The following DNM3 variants were observed in gnomAD, a reference collection of about 807,000 sequenced individuals.
DNM3 encodes dynamin 3.
In DNM3, 47 loss-of-function variants were observed where a neutral mutation model predicts 101.6. The observed-to-expected ratio is 0.46, with a 90% CI of 0.37 to 0.59. The LOEUF is 0.59. Ranked by LOEUF, DNM3 falls within the 20% of genes least tolerant of loss-of-function variation. The probability of loss-of-function intolerance (pLI) is 0.00; values close to 1 mark genes in which losing one functional copy is unlikely to be tolerated. For missense variants in DNM3, 849 were observed against 1,085.7 expected (o/e 0.78, Z 3.06); for synonymous variants, 385 against 387.9 (o/e 0.99, Z 0.09).
At chr1:171,866,111 C>G (rs952855170) in intron 1 of DNM3, among the ~76,000 whole-genome samples, 1 of 151,926 alleles carries the variant, frequency 6.6e-6, no homozygotes, top group African/African-American at 2.4e-5. Flanking sequence ...TGCTGTTGTC[C>G]CAGCTCAGAG....
chr1:172,122,754 C>G (rs2056397460), intron 13 of DNM3, among the ~76,000 whole-genome samples: 1 of 152,088 alleles, frequency 6.6e-6, no homozygotes, highest in Non-Finnish European at 1.5e-5. Flanking sequence ...TTATTTTATT[C>G]AACTGCTGAA....
At chr1:172,072,541 C>A (rs779443302) in intron 11 of DNM3, among the ~76,000 whole-genome samples, 1 of 152,108 alleles carries the variant, frequency 6.6e-6, no homozygotes, top group Non-Finnish European at 1.5e-5. Context: ...GAACAAGTGG[C>A]CACGTACTAA....
intron 14 of DNM3, among the ~76,000 whole-genome samples, chr1:172,204,062 T>C (rs572788452): frequency 2.6e-5 from 4 of 152,286 alleles, no homozygotes; most frequent in Non-Finnish European, 4.4e-5. Context: ...AAAAAGATTT[T>C]CTTAGCAGTA....
chr1:172,114,111 T>C (rs1322281065), intron 13 of DNM3, among the ~76,000 whole-genome samples: 1 of 152,058 alleles, frequency 6.6e-6, no homozygotes, highest in African/African-American at 2.4e-5. Context: ...ATTTTCAGTG[T>C]AGAGAATTAA....
At chr1:172,033,894 C>T (rs2048785199) in intron 6 of DNM3, among the ~76,000 whole-genome samples, 1 of 152,080 alleles carries the variant, frequency 6.6e-6, no homozygotes, top group African/African-American at 2.4e-5. Flanking sequence ...TATTCCTTCC[C>T]CTATTGGAGT....
chr1:172,226,244 G>A (rs1241427780), intron 14 of DNM3, among the ~76,000 whole-genome samples: 1 of 152,076 alleles, frequency 6.6e-6, no homozygotes, highest in Non-Finnish European at 1.5e-5. Context: ...ACACAGACAA[G>A]TATCAAAGTC....
chr1:171,911,199 C>G (rs2039265243), intron 1 of DNM3, among the ~76,000 whole-genome samples: 1 of 151,400 alleles, frequency 6.6e-6, no homozygotes, highest in Non-Finnish European at 1.5e-5. Flanking sequence ...TGGTAGTGCT[C>G]CATTCTGTTT....
intron 2 of DNM3, among the ~76,000 whole-genome samples, chr1:171,943,859 T>A (rs1571748886): frequency 2.0e-5 from 3 of 152,222 alleles, no homozygotes; most frequent in East Asian, 1.9e-4. Context: ...CAACTTTTTT[T>A]ATGTAATGGG....
rs145473165 is a variant in DNM3, at chr1:172,239,763, C to T, written c.1660-13810C>T. Among the ~76,000 whole-genome samples, 296 of 145,608 alleles carry T rather than the reference C, an allele frequency of 2.0e-3. 3 individuals are homozygous for T. The highest frequency in any genetic ancestry group is 6.4e-3 in the African/African-American group (255 of 39,866). ...GGTTCTTGGTTATCTCTCTCCCCTC[C>T]GCTTCTTCTTTTCTCCAGCCCTGTC... On this transcript the variant is annotated intron_variant, in intron 14 of 20. Transcript: ENST00000627582.
At chr1:171,903,572 T>TAA (rs1396864087) in intron 1 of DNM3, among the ~76,000 whole-genome samples, 1 of 152,188 alleles carries the variant, frequency 6.6e-6, no homozygotes. Context: ...AAAGTACAGG[T>TAA]AAAAGAGAGT....
chr1:172,078,719 G>A (rs559174138), intron 11 of DNM3, among the ~76,000 whole-genome samples: 4 of 152,182 alleles, frequency 2.6e-5, no homozygotes, highest in South Asian at 4.2e-4. Flanking sequence ...TTATAGTGTC[G>A]ATTTTTTTTA....
At chr1:171,915,303 T>C (rs999214000) in intron 1 of DNM3, among the ~76,000 whole-genome samples, 1 of 152,256 alleles carries the variant, frequency 6.6e-6, no homozygotes, top group Non-Finnish European at 1.5e-5. Context: ...CTGGTAATGA[T>C]GTGATAGAAC....
At chr1:172,189,511 G>A (rs1375844546) in intron 14 of DNM3, among the ~76,000 whole-genome samples, 1 of 151,866 alleles carries the variant, frequency 6.6e-6, no homozygotes, top group African/African-American at 2.4e-5. Context: ...CATTTATTGA[G>A]GTCTTCTTTG....
At chr1:172,271,676 G>GCAATGAGGGATCTGAAATCATAT (rs1483148607) in intron 15 of DNM3, among the ~76,000 whole-genome samples, 1 of 152,032 alleles carries the variant, frequency 6.6e-6, no homozygotes, top group East Asian at 1.9e-4. Flanking sequence ...AAAGTTAATT[G>GCAATGAGGGATCTGAAATCATAT]CAATGAGGGA....
chr1:172,146,349 G>C (rs993723618), intron 14 of DNM3, among the ~76,000 whole-genome samples: 1 of 152,076 alleles, frequency 6.6e-6, no homozygotes, highest in Non-Finnish European at 1.5e-5. Flanking sequence ...TTGTTATCTT[G>C]TGAGGAAGAT....
intron 14 of DNM3, among the ~76,000 whole-genome samples, chr1:172,169,981 G>A (rs2058891545): frequency 6.6e-6 from 1 of 151,806 alleles, no homozygotes; most frequent in Non-Finnish European, 1.5e-5. Flanking sequence ...ATCCCTTGAA[G>A]CTCTGTTTAT....
At chr1:171,926,741 TC>T (rs2040603746) in intron 2 of DNM3, among the ~76,000 whole-genome samples, 1 of 152,134 alleles carries the variant, frequency 6.6e-6, no homozygotes, top group South Asian at 2.1e-4. Context: ...GCTTGTTTTA[TC>T]CCGGGAATGT....
intron 13 of DNM3, among the ~76,000 whole-genome samples, chr1:172,122,085 C>A (rs977532726): frequency 7.9e-5 from 12 of 152,082 alleles, no homozygotes; most frequent in African/African-American, 2.7e-4. Flanking sequence ...CAAGAAATTG[C>A]CTCTTTTAAA....
chr1:172,077,331 A>T (rs1051380201), intron 11 of DNM3, among the ~76,000 whole-genome samples: 1 of 151,430 alleles, frequency 6.6e-6, no homozygotes, highest in Non-Finnish European at 1.5e-5. Context: ...TTCTGATCTG[A>T]TCTTATTTAT....
Sources: gnomAD v4.1 joint callset for allele counts (sites outside exome capture counted in the v4.1 genomes callset) on GRCh38, gnomAD v4.1.1 for gene constraint, MANE v1.5 for transcripts, NCBI Gene and HGNC (gene_info 2026-07-23, HGNC 2026-07-21) for gene names.